Variants in DDX60 observed in about 807,000 individuals in gnomAD.
DDX60 encodes probable ATP-dependent RNA helicase DDX60.
Under a neutral mutation model 212.8 loss-of-function variants are expected in DDX60, and 165 were observed. The ratio of observed to expected loss-of-function variants is 0.78; its 90% confidence interval spans 0.68 to 0.88. The LOEUF (loss-of-function observed/expected upper bound fraction) is 0.88, where lower values mean the gene tolerates loss of function less well. DDX60 is among the 40% of genes least tolerant of loss of function. DDX60 has a pLI of 0.00. For missense variants in DDX60, 1,905 were observed against 2,003.9 expected (o/e 0.95, Z 0.94); for synonymous variants, 703 against 685.3 (o/e 1.03, Z -0.40).
chr4:168,235,972 C>T (rs1217337973), intron 33 of DDX60: 5 of 317,274 alleles, frequency 1.6e-5, no homozygotes. Flanking sequence ...CATATCTTTT[C>T]TTTAGTCACC....
At chr4:168,298,448 A>T (rs562147364) in intron 6 of DDX60, among the ~76,000 whole-genome samples, 6 of 152,222 alleles carry the variant, frequency 3.9e-5, no homozygotes, top group Non-Finnish European at 8.8e-5. Flanking sequence ...TAGTATCTTT[A>T]TATTGGGCTA....
intron 3 of DDX60, among the ~76,000 whole-genome samples, chr4:168,309,925 G>A (rs1473665288): frequency 6.6e-6 from 1 of 152,086 alleles, no homozygotes; most frequent in Non-Finnish European, 1.5e-5. Context: ...AAGGCTGTTG[G>A]TTTTATCTTC....
At chr4:168,269,861 C>A (rs770699039) in intron 19 of DDX60, among the ~76,000 whole-genome samples, 1 of 152,118 alleles carries the variant, frequency 6.6e-6, no homozygotes, top group Non-Finnish European at 1.5e-5. Context: ...ATATTATTCC[C>A]TCTGCTTAAA....
chr4:168,270,471 C>T (rs1735041399), intron 19 of DDX60, among the ~76,000 whole-genome samples: 1 of 152,204 alleles, frequency 6.6e-6, no homozygotes, highest in Non-Finnish European at 1.5e-5. Flanking sequence ...CCAGAATAGA[C>T]ATTAGCCTTT....
chr4:168,238,400 G>C (rs1323090085), intron 30 of DDX60, among the ~76,000 whole-genome samples: 3 of 113,976 alleles, frequency 2.6e-5, no homozygotes, highest in Non-Finnish European at 3.4e-5. Context: ...AAGGGAAAGG[G>C]AGGGGAGGGG....
At chr4:168,259,978 A>G (rs777789424) in intron 25 of DDX60, among the ~76,000 whole-genome samples, 16 of 152,148 alleles carry the variant, frequency 1.1e-4, no homozygotes, top group Non-Finnish European at 2.4e-4. Context: ...AAGGCTAAAT[A>G]AAAAATAATA....
chr4:168,254,182 G>C (rs1265372737), intron 26 of DDX60, among the ~76,000 whole-genome samples: 3 of 152,166 alleles, frequency 2.0e-5, no homozygotes, highest in Non-Finnish European at 4.4e-5. Context: ...TGGAATTCAA[G>C]GGTGAGAATG....
At position 168,273,338 on chromosome 4, in the gene DDX60, C is replaced by A. The variant is rs752270767; in HGVS notation, c.2515G>T (p.Gly839Cys). Residue 839 changes from glycine to cysteine, a missense_variant, in exon 18 of 38, where the codon GGT becomes TGT. Transcript: ENST00000393743. ...GTGAAAACACCACAGAGAACTTCAC[C>A]ACTTGGCAGATTTTTCGTAAAACGA... ...QNRFTKNLPSGEVLCGVFTRE... is the reference protein window; with the variant it reads ...QNRFTKNLPSCEVLCGVFTRE... The A allele has an allele frequency of 6.2e-7, 1 of 1,613,876 alleles. No individual in the cohort carries two copies. The highest frequency in any genetic ancestry group is 8.5e-7 in the Non-Finnish European group (1 of 1,179,904).
At chr4:168,275,599 A>G (rs1310087983) in intron 15 of DDX60, 96 bp from the exon 16 acceptor site, 2 of 1,082,126 alleles carry the variant, frequency 1.8e-6, no homozygotes, top group African/African-American at 1.6e-5. Flanking sequence ...TCTATGTGAA[A>G]AGCATTTTAC....
In DDX60 at chr4:168,276,043, T is replaced by G; in HGVS notation, c.2117A>C (p.Glu706Ala). The G allele has an allele frequency of 6.2e-7, 1 of 1,612,250 alleles. No homozygotes were observed. Among genetic ancestry groups the G allele is most frequent in the Non-Finnish European group, 8.5e-7 (1 of 1,178,952 alleles). Reference sequence around the variant, plus strand: ...GGCTGGATGTAAAGAACTTGCCAACTCATCAAATCCTAAATACTTAAGGCA... The same window carrying G: ...GGCTGGATGTAAAGAACTTGCCAACGCATCAAATCCTAAATACTTAAGGCA... ...ARCLKYLGFD[E>A]LASSLHPAQD... Residue 706 changes from glutamate (E) to alanine (A), a missense_variant, in exon 15 of 38, where the codon GAG becomes GCG. Transcript: ENST00000393743.
chr4:168,267,608 G>A lies in DDX60; in HGVS notation c.3013C>T (p.Pro1005Ser). The change falls in exon 22 of 38, where the codon CCA (proline) becomes TCA (serine). Residue 1005 changes from proline to serine, a missense_variant. Coordinates refer to ENST00000393743, the MANE Select transcript of DDX60 (RefSeq NM_017631.6). ...TGATCTGTTGTTAGTGCAGCACATG[G>A]GTGAAAATGATCAAAATGAATGTCA... ...HGDIHFDHFH[P>S]CAALTTDHIE... The A allele has an allele frequency of 6.3e-7, 1 of 1,597,678 alleles. No individual in the cohort carries two copies. Among genetic ancestry groups the A allele is most frequent in the Non-Finnish European group, 8.5e-7 (1 of 1,171,518 alleles).
Position 168,303,159 on chromosome 4 carries a change from G to A in DDX60, c.607-743C>T, listed in dbSNP as rs564171120. On this transcript the variant is annotated intron_variant, in intron 5 of 37. Transcript: ENST00000393743. ...CTACTAAAAATGCAAAAAATTAGCC[G>A]GGCATGGTGGCAGGTGCCTGTAGTC... 1.3e-4 allele frequency among the ~76,000 whole-genome samples: 20 copies of A among 151,874 alleles called. 1 individual carries two copies. In the South Asian group the frequency reaches 2.1e-3, roughly 16 times the overall value.
intron 3 of DDX60, among the ~76,000 whole-genome samples, chr4:168,310,396 C>A (rs1448796707): frequency 6.6e-6 from 1 of 152,152 alleles, no homozygotes; most frequent in Non-Finnish European, 1.5e-5. Context: ...GATCCACTCC[C>A]ACTTAATAAA....
chr4:168,268,972 AT>A lies in DDX60; in HGVS notation c.2671-4del. 6.9e-7 allele frequency: 1 copy of A among 1,443,406 alleles called. No individual in the cohort carries two copies. The highest frequency in any genetic ancestry group is 2.2e-5 in the Admixed American group (1 of 44,888). 89.4% of individuals were successfully genotyped at this position (1,443,406 alleles called of 1,614,324 possible). A position where few individuals can be genotyped will look rare whatever the true frequency, so the allele number is the denominator to read the frequency against. On this transcript the variant is annotated splice_polypyrimidine_tract_variant and splice_region_variant and intron_variant, in intron 19 of 37. Coordinates refer to ENST00000393743, the MANE Select transcript of DDX60 (RefSeq NM_017631.6). ...ATTTCTCCACCAAGACAATGAACCT[AT>A]TAAACAAAAAAAAAAAAATCTCAAC...
intron 25 of DDX60, among the ~76,000 whole-genome samples, chr4:168,257,472 C>A (rs190782124): frequency 1.0e-3 from 154 of 152,238 alleles, no homozygotes; most frequent in African/African-American, 3.4e-3. Context: ...GCCCAAGAGC[C>A]CACAGTTTAT....
chr4:168,285,923 GGAAGGAAGGAAGGA>G (rs1735815626), intron 10 of DDX60, among the ~76,000 whole-genome samples: 1 of 134,028 alleles, frequency 7.5e-6, no homozygotes, highest in Non-Finnish European at 1.6e-5. Flanking sequence ...AAGGAAGGAA[GGAAGGAAGGAAGGA>G]AGGGAGGAAG....
At chr4:168,268,041 T>G in intron 20 of DDX60, 58 bp from the exon 21 acceptor site, 1 of 1,389,614 alleles carries the variant, frequency 7.2e-7, no homozygotes, top group Non-Finnish European at 9.9e-7. Flanking sequence ...TCCTGTGAAA[T>G]TAAGTAGTTT....
At chr4:168,247,826 C>T (rs183659625) in intron 29 of DDX60, among the ~76,000 whole-genome samples, 125 of 152,278 alleles carry the variant, frequency 8.2e-4, no homozygotes, top group African/African-American at 2.9e-3. Flanking sequence ...AAATCTTGTG[C>T]ACAGCAAATG....
chr4:168,282,831 C>T (rs1735652144), intron 13 of DDX60, among the ~76,000 whole-genome samples: 1 of 152,062 alleles, frequency 6.6e-6, no homozygotes, highest in African/African-American at 2.4e-5. Flanking sequence ...AGATCATAAA[C>T]TATTAGTATT....
Sources: allele counts gnomAD v4.1 joint callset (sites outside exome capture counted in the v4.1 genomes callset), GRCh38; gene constraint gnomAD v4.1.1; transcripts MANE v1.5; gene names NCBI Gene and HGNC (gene_info 2026-07-23, HGNC 2026-07-21).